The following SPMIP11 variants were observed in gnomAD, a reference collection of about 807,000 sequenced individuals.
The protein encoded by SPMIP11 is sperm microtubule inner protein 11.
chr12:48,756,400 G>A, the SPMIP11 span, among the ~76,000 whole-genome samples: 1 of 152,182 alleles, frequency 6.6e-6, no homozygotes, highest in South Asian at 2.1e-4. Flanking sequence ...AACTGTACAG[G>A]GAGGGGATTC....
chr12:48,742,278 C>CTTTT, the SPMIP11 span, among the ~76,000 whole-genome samples: 5 of 135,924 alleles, frequency 3.7e-5, no homozygotes, highest in Admixed American at 1.5e-4. Context: ...TTTTCTTTTC[C>CTTTT]TTTTTTTTTT....
chr12:48,733,744 T>C, the SPMIP11 span, among the ~76,000 whole-genome samples: 1 of 151,024 alleles, frequency 6.6e-6, no homozygotes, highest in Non-Finnish European at 1.5e-5. Flanking sequence ...AGGGGACTAC[T>C]GTATGTGTAA....
the SPMIP11 span, among the ~76,000 whole-genome samples, chr12:48,744,417 C>T: frequency 6.6e-6 from 1 of 151,522 alleles, no homozygotes; most frequent in African/African-American, 2.4e-5. Context: ...CAAAAATAAA[C>T]AAACAAACAA....
the SPMIP11 span, among the ~76,000 whole-genome samples, chr12:48,770,214 C>T: frequency 6.6e-6 from 1 of 151,978 alleles, no homozygotes; most frequent in African/African-American, 2.4e-5. Flanking sequence ...TGGCTTCATC[C>T]TTTCAACACC....
the SPMIP11 span, among the ~76,000 whole-genome samples, chr12:48,733,351 A>C: frequency 6.6e-6 from 1 of 152,210 alleles, no homozygotes; most frequent in East Asian, 1.9e-4. Flanking sequence ...CTGGGGTTAC[A>C]GGTGTGAGCC....
chr12:48,728,747 C>T, the SPMIP11 span, among the ~76,000 whole-genome samples: 1 of 146,864 alleles, frequency 6.8e-6, no homozygotes, highest in South Asian at 2.2e-4. Flanking sequence ...GGATATAGCA[C>T]AGACAAAGGA....
At chr12:48,731,278 G>A in the SPMIP11 span, among the ~76,000 whole-genome samples, 1 of 152,180 alleles carries the variant, frequency 6.6e-6, no homozygotes, top group African/African-American at 2.4e-5. Flanking sequence ...GGATCATGAG[G>A]TCAGGAGATC....
chr12:48,739,342 T>C, the SPMIP11 span, among the ~76,000 whole-genome samples: 1 of 152,186 alleles, frequency 6.6e-6, no homozygotes, highest in Non-Finnish European at 1.5e-5. Flanking sequence ...TCTCTGGGTA[T>C]TGGTTATATG....
At chr12:48,734,065 C>T in the SPMIP11 span, among the ~76,000 whole-genome samples, 1 of 151,898 alleles carries the variant, frequency 6.6e-6, no homozygotes, top group African/African-American at 2.4e-5. Context: ...AGCCATCCCC[C>T]GCCCAGCCTA....
At chr12:48,763,498 TATTA>T in the SPMIP11 span, among the ~76,000 whole-genome samples, 3 of 152,132 alleles carry the variant, frequency 2.0e-5, no homozygotes, top group Admixed American at 1.3e-4. Context: ...AATAGCTTAT[TATTA>T]ATTAATAGAA....
the SPMIP11 span, among the ~76,000 whole-genome samples, chr12:48,735,372 C>G: frequency 6.6e-6 from 1 of 152,300 alleles, no homozygotes; most frequent in Non-Finnish European, 1.5e-5. Context: ...CTTCGGGAGG[C>G]CGAGGTGGGC....
the SPMIP11 span, among the ~76,000 whole-genome samples, chr12:48,755,060 C>T: frequency 9.9e-5 from 15 of 152,284 alleles, no homozygotes; most frequent in South Asian, 3.1e-3. Context: ...GCCCCAGTTG[C>T]AACAAACAGA....
chr12:48,762,372 T>C, the SPMIP11 span, among the ~76,000 whole-genome samples: 1 of 119,546 alleles, frequency 8.4e-6, no homozygotes. Context: ...TTTTTTTTTT[T>C]TTTTTTTTTT....
chr12:48,758,963 T>C, the SPMIP11 span, among the ~76,000 whole-genome samples: 6 of 152,218 alleles, frequency 3.9e-5, no homozygotes, highest in African/African-American at 1.2e-4. Flanking sequence ...ATTCCAGAAG[T>C]TGGCCTCTTA....
the SPMIP11 span, among the ~76,000 whole-genome samples, chr12:48,742,826 G>A: frequency 1.3e-5 from 2 of 151,742 alleles, no homozygotes; most frequent in African/African-American, 2.4e-5. Context: ...CAGAGGCTGC[G>A]GTGAGCCAAG....
chr12:48,771,040 T>C, the SPMIP11 span: 1 of 1,498,326 alleles, frequency 6.7e-7, no homozygotes, highest in Non-Finnish European at 9.1e-7. The surrounding 1 kb of genome is among the most constrained non-coding windows in gnomAD (Gnocchi z 4.3). Flanking sequence ...AACACTCATT[T>C]CTTGCCACGC....
At chr12:48,755,076 T>C in the SPMIP11 span, among the ~76,000 whole-genome samples, 2 of 152,166 alleles carry the variant, frequency 1.3e-5, no homozygotes, top group Non-Finnish European at 2.9e-5. Flanking sequence ...ACAGAGGCAA[T>C]GGGCAAAGTA....
chr12:48,731,043 T>C, the SPMIP11 span, among the ~76,000 whole-genome samples: 1 of 152,216 alleles, frequency 6.6e-6, no homozygotes, highest in Non-Finnish European at 1.5e-5. Context: ...GTCTAACTTA[T>C]CTGTCTGTGC....
At chr12:48,751,975 G>A in the SPMIP11 span, among the ~76,000 whole-genome samples, 94 of 151,452 alleles carry the variant, frequency 6.2e-4, 1 homozygote, top group African/African-American at 2.2e-3. Context: ...GCCGAGGCAT[G>A]AGAATCTCTC....
Sources: allele counts gnomAD v4.1 joint callset (sites outside exome capture counted in the v4.1 genomes callset), GRCh38; gene constraint gnomAD v4.1.1; non-coding constraint Gnocchi (gnomAD v3.1); transcripts MANE v1.5; gene names NCBI Gene and HGNC (gene_info 2026-07-23, HGNC 2026-07-21).